Variants in DSE observed in about 807,000 individuals in gnomAD.
DSE encodes the protein dermatan sulfate epimerase.
In DSE, 36 loss-of-function variants were observed where a neutral mutation model predicts 84.4. The ratio of observed to expected loss-of-function variants is 0.43; its 90% CI spans 0.33 to 0.56. The LOEUF (loss-of-function observed/expected upper bound fraction) is 0.56. DSE is among the 20% of genes least tolerant of loss of function. The pLI is 0.06. For synonymous variants in DSE, 410 were observed against 430.1 expected, an observed-to-expected ratio of 0.95 and a Z score of 0.58; for missense variants, 862 against 1,169.6, an observed-to-expected ratio of 0.74 and a Z score of 3.84.
At chr6:116,308,434 T>C (rs983926189) in intron 2 of DSE, among the ~76,000 whole-genome samples, 5 of 152,170 alleles carry the variant, frequency 3.3e-5, no homozygotes, top group Admixed American at 1.3e-4. Flanking sequence ...AGAAAATATT[T>C]GTTGATAAAT....
chr6:116,357,698 C>A (rs973495938), intron 2 of DSE, among the ~76,000 whole-genome samples: 3 of 152,078 alleles, frequency 2.0e-5, no homozygotes, highest in Admixed American at 2.0e-4. Flanking sequence ...GAAACTACTT[C>A]CCCTACCACA....
At position 116,344,333 on chromosome 6, in the gene DSE, C is replaced by T. The variant is rs192604480; in HGVS notation, c.-53-54865C>T. On this transcript the variant is annotated intron_variant, in intron 2 of 3. Coordinates refer to the DSE transcript ENST00000430252. Reference sequence around the variant, plus strand: ...GAGCAACTCCAAGACACATAATTGTCAAATTCACCAAAGTTGAAATGAAGG... The same window carrying T: ...GAGCAACTCCAAGACACATAATTGTTAAATTCACCAAAGTTGAAATGAAGG... Among the ~76,000 whole-genome samples the T allele has an allele frequency of 2.1e-4, 32 of 152,276 alleles. No homozygotes were observed. The East Asian group carries it at 6.0e-3, about 28-fold the overall frequency.
chr6:116,361,162 C>T (rs1025768172), intron 2 of DSE, among the ~76,000 whole-genome samples: 6 of 152,096 alleles, frequency 3.9e-5, no homozygotes, highest in East Asian at 1.9e-4. Flanking sequence ...TGGGTTCAGG[C>T]GATTCTTCTG....
rs540012813 is a variant in DSE, at chr6:116,427,656, T to C, written c.670+829T>C. On this transcript the variant is annotated intron_variant, in intron 3 of 5. Coordinates refer to ENST00000644252, the MANE Select transcript of DSE (RefSeq NM_013352.4). Reference sequence around the variant, plus strand: ...GGAAAAGAAACTAACATTAACTGAGTATATGACATGTGCAAGTCTTTTTCC... The same window carrying C: ...GGAAAAGAAACTAACATTAACTGAGCATATGACATGTGCAAGTCTTTTTCC... Among the ~76,000 whole-genome samples, 10 of 152,304 alleles carry C rather than the reference T, an allele frequency of 6.6e-5. No homozygotes were observed. The South Asian group carries it at 2.1e-3, about 32-fold the overall frequency.
chr6:116,383,456 A>G (rs903845841), intron 1 of DSE, among the ~76,000 whole-genome samples: 1 of 152,208 alleles, frequency 6.6e-6, no homozygotes, highest in African/African-American at 2.4e-5. Flanking sequence ...GGCTAACACT[A>G]TGAGAGCAGT....
intron 2 of DSE, among the ~76,000 whole-genome samples, chr6:116,281,709 C>T (rs970162127): frequency 3.3e-5 from 5 of 152,206 alleles, no homozygotes; most frequent in African/African-American, 9.7e-5. Flanking sequence ...GCCTAGCACA[C>T]TACCTTACAC....
chr6:116,371,216 G>A, intron 1 of DSE, 95 bp downstream of exon 1: 1 of 984,546 alleles, frequency 1.0e-6, no homozygotes, highest in Non-Finnish European at 1.2e-6. Flanking sequence ...GTCCCGGCGC[G>A]GGCGGGAGAC....
intron 2 of DSE, among the ~76,000 whole-genome samples, chr6:116,305,070 A>C (rs1158709029): frequency 6.6e-6 from 1 of 152,144 alleles, no homozygotes; most frequent in African/African-American, 2.4e-5. Flanking sequence ...ACAAAAACAA[A>C]ATCTGCTGTT....
chr6:116,331,460 C>T (rs1227603839), intron 2 of DSE, among the ~76,000 whole-genome samples: 1 of 152,144 alleles, frequency 6.6e-6, no homozygotes, highest in Non-Finnish European at 1.5e-5. Flanking sequence ...CACTCACTAT[C>T]ATGAGAACAG....
chr6:116,280,534 G>T (rs1291061601), intron 2 of DSE, among the ~76,000 whole-genome samples: 1 of 152,200 alleles, frequency 6.6e-6, no homozygotes, highest in Admixed American at 6.5e-5. Context: ...TTTGCTAAAT[G>T]TTCCATGCCT....
At chr6:116,346,013 A>C (rs1172478938) in intron 2 of DSE, among the ~76,000 whole-genome samples, 1 of 152,246 alleles carries the variant, frequency 6.6e-6, no homozygotes, top group Non-Finnish European at 1.5e-5. Flanking sequence ...AAACTAGAAA[A>C]TCTAGAAGAA....
At chr6:116,279,913 C>T (rs2114637976) in intron 2 of DSE, 1 of 1,579,914 alleles carries the variant, frequency 6.3e-7, no homozygotes, top group Non-Finnish European at 8.7e-7. Flanking sequence ...CTCGCACCGC[C>T]CACCCTACAG....
At chr6:116,369,358 A>G (rs1779370640), upstream of DSE, among the ~76,000 whole-genome samples, 1 of 152,262 alleles carries the variant, frequency 6.6e-6, no homozygotes, top group Admixed American at 6.5e-5. Flanking sequence ...GGATTACATA[A>G]TACAGCTAGA....
At chr6:116,357,431 C>T (rs1671164079) in intron 2 of DSE, among the ~76,000 whole-genome samples, 1 of 151,794 alleles carries the variant, frequency 6.6e-6, no homozygotes, top group African/African-American at 2.4e-5. Context: ...ACACAGGAGG[C>T]TGAGGCAGGA....
chr6:116,401,981 T>C (rs1166407716), intron 2 of DSE, among the ~76,000 whole-genome samples: 1 of 152,156 alleles, frequency 6.6e-6, no homozygotes, highest in African/African-American at 2.4e-5. Context: ...TTCCATTTTC[T>C]TTGAAGAGCA....
chr6:116,309,412 C>T (rs1775536021), intron 2 of DSE, among the ~76,000 whole-genome samples: 1 of 152,000 alleles, frequency 6.6e-6, no homozygotes, highest in Non-Finnish European at 1.5e-5. Flanking sequence ...TATTATTGCT[C>T]CTTTATATGT....
intron 1 of DSE, among the ~76,000 whole-genome samples, chr6:116,394,438 ATT>A (rs36065645): frequency 6.8e-6 from 1 of 147,152 alleles, no homozygotes; most frequent in Admixed American, 6.8e-5. Context: ...TAACAGCGTG[ATT>A]TTTTTTTTTT....
chr6:116,394,022 A>G (rs1007197921), intron 1 of DSE, among the ~76,000 whole-genome samples: 9 of 152,118 alleles, frequency 5.9e-5, no homozygotes, highest in Admixed American at 2.6e-4. Flanking sequence ...GGAACTTTTA[A>G]TGTTATTGAA....
At chr6:116,340,155 C>G (rs1023239273) in intron 2 of DSE, among the ~76,000 whole-genome samples, 1 of 152,258 alleles carries the variant, frequency 6.6e-6, no homozygotes, top group Non-Finnish European at 1.5e-5. Context: ...CTTCTTGAAC[C>G]TGCAGATTAA....
Sources: allele counts gnomAD v4.1 joint callset (sites outside exome capture counted in the v4.1 genomes callset), GRCh38; gene constraint gnomAD v4.1.1; transcripts MANE v1.5; gene names NCBI Gene and HGNC (gene_info 2026-07-23, HGNC 2026-07-21).